DYM: variants seen among roughly 807,000 people sequenced by gnomAD.
DYM encodes dymeclin.
A neutral mutation model predicts 93.1 loss-of-function variants in DYM; 78 were observed. The ratio of observed to expected loss-of-function variants is 0.84; its 90% CI spans 0.70 to 1.01. The LOEUF (loss-of-function observed/expected upper bound fraction) is 1.01, where lower values mean the gene tolerates loss of function less well. Ranked by LOEUF, DYM falls within the 50% of genes least tolerant of loss-of-function variation. DYM has a pLI of 0.00. For synonymous variants in DYM, 321 were observed against 319.7 expected, an observed-to-expected ratio of 1.00 and a Z score of -0.04; for missense variants, 789 against 845.0, an observed-to-expected ratio of 0.93 and a Z score of 0.82.
chr18:49,236,046 G>C (rs2093850638), intron 13 of DYM, among the ~76,000 whole-genome samples: 1 of 152,022 alleles, frequency 6.6e-6, no homozygotes, highest in African/African-American at 2.4e-5. Flanking sequence ...TTTTGTTCTG[G>C]AATGTCCTAT....
chr18:49,443,543 A>G (rs1204778697), intron 1 of DYM, among the ~76,000 whole-genome samples: 1 of 152,224 alleles, frequency 6.6e-6, no homozygotes, highest in Non-Finnish European at 1.5e-5. Context: ...TAGATGTCAA[A>G]GTACTTTATT....
chr18:49,300,562 C>A (rs2060864910), intron 8 of DYM, among the ~76,000 whole-genome samples: 1 of 151,802 alleles, frequency 6.6e-6, no homozygotes, highest in Non-Finnish European at 1.5e-5. Flanking sequence ...GTTCGTGCCA[C>A]TGCACTCAAG....
chr18:49,136,987 T>A (rs1039390922), intron 15 of DYM, among the ~76,000 whole-genome samples: 7 of 152,228 alleles, frequency 4.6e-5, no homozygotes, highest in African/African-American at 1.7e-4. Context: ...CTCATACTAG[T>A]ATCAATGGCA....
At chr18:49,279,585 A>G (rs936479717) in intron 10 of DYM, among the ~76,000 whole-genome samples, 3 of 152,220 alleles carry the variant, frequency 2.0e-5, no homozygotes, top group African/African-American at 7.2e-5. Context: ...CGGGTATGTC[A>G]TCAAACGCAG....
intron 13 of DYM, among the ~76,000 whole-genome samples, chr18:49,226,473 T>A (rs77895846): frequency 6.6e-6 from 1 of 152,324 alleles, no homozygotes; most frequent in East Asian, 1.9e-4. Context: ...ATGCACAGTT[T>A]GCTATATGGC....
chr18:49,058,676 A>T (rs2075706124), intron 17 of DYM, among the ~76,000 whole-genome samples: 1 of 152,214 alleles, frequency 6.6e-6, no homozygotes, highest in African/African-American at 2.4e-5. Flanking sequence ...AATGATAGAT[A>T]ATTCAATTTG....
chr18:49,381,913 G>GAA (rs148954978), intron 3 of DYM, among the ~76,000 whole-genome samples: 20 of 134,086 alleles, frequency 1.5e-4, no homozygotes, highest in South Asian at 2.4e-4. Context: ...AACTTTTTAA[G>GAA]AAAAAAAAAA....
chr18:49,131,373 T>C (rs1056283776), intron 15 of DYM, among the ~76,000 whole-genome samples: 2 of 152,022 alleles, frequency 1.3e-5, no homozygotes, highest in Non-Finnish European at 2.9e-5. Flanking sequence ...CCACCACGCC[T>C]GACTGATTTT....
In DYM at chr18:49,041,872, C is replaced by A. The variant is rs1454558387; in HGVS notation, c.*2183G>T. The A allele has an allele frequency of 6.6e-6, 1 of 152,206 alleles. No individual in the cohort carries two copies. Among genetic ancestry groups the A allele is most frequent in the South Asian group, 2.1e-4 (1 of 4,834 alleles). The allele number at this position is 152,206 out of a possible 1,614,324, so 9.4% of individuals were successfully genotyped here. Reference sequence around the variant, plus strand: ...CACACAACAAGCACTGACAGTCCTGCAGCCCAGGGACTGTCCTGTGGCACT... The same window carrying A: ...CACACAACAAGCACTGACAGTCCTGAAGCCCAGGGACTGTCCTGTGGCACT... On this transcript the variant is annotated 3_prime_UTR_variant, in exon 18 of 18. Transcript: ENST00000675505.
chr18:49,361,563 G>C (rs777449920), intron 6 of DYM, among the ~76,000 whole-genome samples: 5 of 152,088 alleles, frequency 3.3e-5, no homozygotes, highest in Admixed American at 6.5e-5. Context: ...AATCTTCATA[G>C]ATACAATAAT....
At chr18:49,237,333 C>T (rs189039158) in intron 13 of DYM, among the ~76,000 whole-genome samples, 1 of 152,214 alleles carries the variant, frequency 6.6e-6, no homozygotes, top group African/African-American at 2.4e-5. Flanking sequence ...GCAATATTCA[C>T]TGGATAAATT....
At chr18:49,269,242 A>C (rs1341189554) in intron 11 of DYM, among the ~76,000 whole-genome samples, 1 of 152,130 alleles carries the variant, frequency 6.6e-6, no homozygotes, top group East Asian at 1.9e-4. Context: ...CCTGATAATT[A>C]ATCAGGGAAA....
chr18:49,289,782 TATATATACACAC>T (rs1349145245), intron 8 of DYM, among the ~76,000 whole-genome samples: 40 of 54,946 alleles, frequency 7.3e-4, no homozygotes, highest in East Asian at 1.3e-3. Context: ...TACACATATA[TATATATACACAC>T]ATATATATAT....
At chr18:49,264,175 T>A (rs1047361027) in intron 11 of DYM, among the ~76,000 whole-genome samples, 1 of 151,950 alleles carries the variant, frequency 6.6e-6, no homozygotes, top group East Asian at 1.9e-4. Context: ...TTTACAATAT[T>A]TCATTTACGT....
intron 8 of DYM, among the ~76,000 whole-genome samples, chr18:49,326,044 G>A (rs376248390): frequency 2.2e-4 from 34 of 152,154 alleles, no homozygotes; most frequent in African/African-American, 4.6e-4. Flanking sequence ...GAAATGACTC[G>A]GATACATCAG....
intron 6 of DYM, among the ~76,000 whole-genome samples, chr18:49,351,914 A>C (rs148195282): frequency 1.3e-5 from 2 of 152,246 alleles, no homozygotes; most frequent in Non-Finnish European, 2.9e-5. Context: ...GAGGAATCCC[A>C]GATGACACAG....
At chr18:49,245,524 C>A (rs559428421) in intron 13 of DYM, among the ~76,000 whole-genome samples, 2 of 152,112 alleles carry the variant, frequency 1.3e-5, no homozygotes, top group African/African-American at 2.4e-5. Flanking sequence ...GACTGAAATA[C>A]GCCCTGGTTT....
intron 17 of DYM, among the ~76,000 whole-genome samples, chr18:49,075,787 G>GT (rs1386086650): frequency 6.6e-6 from 1 of 152,166 alleles, no homozygotes; most frequent in Non-Finnish European, 1.5e-5. Flanking sequence ...TCAAAAGACT[G>GT]TTTACTCTGT....
chr18:49,202,528 C>T (rs1423057513), intron 14 of DYM, among the ~76,000 whole-genome samples: 3 of 133,514 alleles, frequency 2.2e-5, no homozygotes, highest in African/African-American at 8.6e-5. Context: ...GCCCGGCCGC[C>T]ATCCCATCTA....
Sources: gnomAD v4.1 joint callset for allele counts (sites outside exome capture counted in the v4.1 genomes callset) on GRCh38, gnomAD v4.1.1 for gene constraint, MANE v1.5 for transcripts, NCBI Gene and HGNC (gene_info 2026-07-23, HGNC 2026-07-21) for gene names.